Variants in CNBD1 observed in about 807,000 individuals in gnomAD.
CNBD1 encodes the protein cyclic nucleotide-binding domain-containing protein 1.
CNBD1 carries 71 observed loss-of-function variants against 54.4 expected under a neutral mutation model. The observed-to-expected ratio is 1.30, with a 90% CI of 1.08 to 1.59. The LOEUF is 1.59. Ranked by LOEUF, CNBD1 falls within the 40% of genes most tolerant of loss-of-function variation. The probability of loss-of-function intolerance (pLI) is 0.00; values close to 1 mark genes in which losing one functional copy is unlikely to be tolerated. For missense variants in CNBD1, 659 were observed against 518.0 expected, an observed-to-expected ratio of 1.27 and a Z score of -2.64; for synonymous variants, 182 against 170.7, an observed-to-expected ratio of 1.07 and a Z score of -0.51.
At chr8:87,045,075 GA>G (rs1810152764) in intron 4 of CNBD1, among the ~76,000 whole-genome samples, 1 of 152,188 alleles carries the variant, frequency 6.6e-6, no homozygotes, top group African/African-American at 2.4e-5. Flanking sequence ...TCCTGATGGA[GA>G]GGGGTGTTGT....
rs1334791412 is a variant in CNBD1 at position 87,090,300 on chromosome 8, T to C, written c.432-115693T>C. ...ATATTGTCTCTTAAGAATGCTAACTTATTTTGAATGACTGTCTTGTGTGGC... is the reference window on the plus strand; with the variant it reads ...ATATTGTCTCTTAAGAATGCTAACTCATTTTGAATGACTGTCTTGTGTGGC... On this transcript the variant is annotated intron_variant, in intron 4 of 10. Coordinates refer to ENST00000518476, the MANE Select transcript of CNBD1 (RefSeq NM_173538.3). Among the ~76,000 whole-genome samples, 11 of 152,324 alleles carry C rather than the reference T, an allele frequency of 7.2e-5. No homozygotes were observed. The East Asian group carries it at 2.1e-3, about 29-fold the overall frequency.
intron 8 of CNBD1, among the ~76,000 whole-genome samples, chr8:87,328,530 T>A (rs1392719466): frequency 1.3e-5 from 2 of 152,048 alleles, no homozygotes; most frequent in Admixed American, 1.3e-4. Flanking sequence ...CAATATGTTT[T>A]GAATCAGAAA....
At chr8:87,198,629 C>T (rs943275068) in intron 4 of CNBD1, among the ~76,000 whole-genome samples, 2 of 152,114 alleles carry the variant, frequency 1.3e-5, no homozygotes, top group African/African-American at 4.8e-5. Flanking sequence ...AGCATGACAA[C>T]ACACAACTTT....
chr8:87,064,036 C>T (rs1336555993), intron 4 of CNBD1, among the ~76,000 whole-genome samples: 3 of 151,918 alleles, frequency 2.0e-5, no homozygotes, highest in Non-Finnish European at 4.4e-5. Flanking sequence ...ATCATATTAT[C>T]TGTGAAATGT....
intron 2 of CNBD1, among the ~76,000 whole-genome samples, chr8:87,425,356 T>C (rs1808026743): frequency 6.6e-6 from 1 of 152,236 alleles, no homozygotes; most frequent in Non-Finnish European, 1.5e-5. Flanking sequence ...GTTCCGTTGC[T>C]GGTGAGGAGC....
chr8:87,173,217 C>A (rs1276713076), intron 4 of CNBD1, among the ~76,000 whole-genome samples: 2 of 152,088 alleles, frequency 1.3e-5, no homozygotes, highest in Non-Finnish European at 2.9e-5. Flanking sequence ...TTTGTTATTT[C>A]TATTTATATC....
At chr8:86,880,901 A>T (rs972490464) in intron 1 of CNBD1, among the ~76,000 whole-genome samples, 7 of 152,242 alleles carry the variant, frequency 4.6e-5, no homozygotes, top group African/African-American at 1.7e-4. Context: ...GATTCATCAC[A>T]TAAACAGAAC....
At chr8:86,992,798 T>C (rs909627087) in intron 4 of CNBD1, among the ~76,000 whole-genome samples, 2 of 152,186 alleles carry the variant, frequency 1.3e-5, no homozygotes, top group African/African-American at 2.4e-5. Flanking sequence ...AGGGTCACAA[T>C]TTCTGGCTTG....
At position 87,354,181 on chromosome 8, in the gene CNBD1, G is replaced by A. The variant is rs527658566; in HGVS notation, c.1303+395G>A. Among the ~76,000 whole-genome samples the A allele has an allele frequency of 1.4e-4, 21 of 152,178 alleles. No individual in the cohort carries two copies. The East Asian group carries it at 4.1e-3, about 30-fold the overall frequency. ...TTGCTGGACCTCACAGCTGAAAATG[G>A]GAGCCTTGTCTCATTCTCTGTGTGA... On this transcript the variant is annotated intron_variant, in intron 10 of 10. Coordinates refer to ENST00000518476, the MANE Select transcript of CNBD1 (RefSeq NM_173538.3).
At chr8:87,118,345 G>A (rs1003480601) in intron 4 of CNBD1, among the ~76,000 whole-genome samples, 2 of 150,302 alleles carry the variant, frequency 1.3e-5, no homozygotes, top group Admixed American at 1.3e-4. Flanking sequence ...AAAATAGAGC[G>A]GTACAACGGT....
In CNBD1 at chr8:87,390,774, A is replaced by G. The variant is rs147808541; in HGVS notation, c.213+36988A>G. Among the ~76,000 whole-genome samples, 65 of 152,336 alleles carry G rather than the reference A, an allele frequency of 4.3e-4. 2 individuals carry two copies. The East Asian group carries it at 0.012, about 27-fold the overall frequency. On this transcript the variant is annotated intron_variant, in intron 2 of 7. Coordinates refer to the CNBD1 transcript ENST00000521593. Reference sequence around the variant, plus strand: ...CCGAAGGCTTATAAAACATGCTGCTATAAAGACACATGCACACATATGTTT... The same window carrying G: ...CCGAAGGCTTATAAAACATGCTGCTGTAAAGACACATGCACACATATGTTT...
chr8:87,192,108 G>C (rs1318273057), intron 4 of CNBD1, among the ~76,000 whole-genome samples: 1 of 151,922 alleles, frequency 6.6e-6, no homozygotes, highest in Non-Finnish European at 1.5e-5. Context: ...TCATACAAAG[G>C]GGTGAAAATA....
intron 2 of CNBD1, among the ~76,000 whole-genome samples, chr8:86,893,702 C>G (rs1409582053): frequency 6.6e-6 from 1 of 152,092 alleles, no homozygotes; most frequent in African/African-American, 2.4e-5. Context: ...GTTTTTATTG[C>G]TTATTTCAGT....
At chr8:87,371,432 G>A (rs1340042682) in intron 10 of CNBD1, among the ~76,000 whole-genome samples, 3 of 151,972 alleles carry the variant, frequency 2.0e-5, no homozygotes, top group Non-Finnish European at 4.4e-5. Flanking sequence ...TCTCCTTGAA[G>A]AGGTCCTTCA....
chr8:87,333,137 G>T (rs918586384), intron 8 of CNBD1, among the ~76,000 whole-genome samples: 1 of 152,092 alleles, frequency 6.6e-6, no homozygotes. Flanking sequence ...CATAGCAATT[G>T]TGAATGGGAG....
At chr8:86,953,436 C>T (rs999820196) in intron 4 of CNBD1, among the ~76,000 whole-genome samples, 4 of 152,094 alleles carry the variant, frequency 2.6e-5, no homozygotes, top group African/African-American at 4.8e-5. Context: ...TTACAATGAC[C>T]TAACACAATA....
intron 10 of CNBD1, among the ~76,000 whole-genome samples, chr8:87,363,604 AG>A (rs943022147): frequency 8.5e-5 from 13 of 152,100 alleles, no homozygotes; most frequent in African/African-American, 3.1e-4. Context: ...TCTAATGACC[AG>A]TGATGATGAG....
intron 8 of CNBD1, among the ~76,000 whole-genome samples, chr8:87,322,566 A>AT (rs1239384738): frequency 8.8e-6 from 1 of 114,250 alleles, no homozygotes; most frequent in Middle Eastern, 4.3e-3. Flanking sequence ...AATGATGAGC[A>AT]TTTTTTCATG....
chr8:87,331,791 A>G (rs1476887414), intron 8 of CNBD1, among the ~76,000 whole-genome samples: 1 of 152,028 alleles, frequency 6.6e-6, no homozygotes, highest in Non-Finnish European at 1.5e-5. Flanking sequence ...TGTGGTTTTG[A>G]TATGCATTTC....
Sources: gnomAD v4.1 joint callset for allele counts (sites outside exome capture counted in the v4.1 genomes callset) on GRCh38, gnomAD v4.1.1 for gene constraint, MANE v1.5 for transcripts, NCBI Gene and HGNC (gene_info 2026-07-23, HGNC 2026-07-21) for gene names.